Variants in CACNB2 observed in about 807,000 individuals in gnomAD.
CACNB2 encodes calcium voltage-gated channel auxiliary subunit beta 2, also known as voltage-dependent L-type calcium channel subunit beta-2.
In CACNB2, 42 loss-of-function variants were observed where a neutral mutation model predicts 73.3. That is an observed-to-expected ratio of 0.57 (90% confidence interval 0.45 to 0.74). The LOEUF (loss-of-function observed/expected upper bound fraction) is 0.74, where lower values mean the gene tolerates loss of function less well. Ranked by LOEUF, CACNB2 falls within the 30% of genes least tolerant of loss-of-function variation. The pLI, the probability that CACNB2 is intolerant of heterozygous loss-of-function variation, is 0.00. For missense variants in CACNB2, 940 were observed against 853.0 expected (o/e 1.10, Z -1.27); for synonymous variants, 348 against 310.3 (o/e 1.12, Z -1.28).
At chr10:18,200,973 G>T (rs2034852141) in intron 2 of CACNB2, among the ~76,000 whole-genome samples, 1 of 152,138 alleles carries the variant, frequency 6.6e-6, no homozygotes, top group South Asian at 2.1e-4. Context: ...CCAACTCTGT[G>T]CAGTAAGAAT....
intron 7 of CACNB2, among the ~76,000 whole-genome samples, chr10:18,518,092 G>A (rs1390324307): frequency 1.3e-5 from 2 of 152,124 alleles, no homozygotes; most frequent in South Asian, 4.1e-4. Flanking sequence ...CTTTAGGAAC[G>A]AATAGGTCTG....
intron 10 of CACNB2, 79 bp downstream of exon 10, chr10:18,527,776 A>C: frequency 1.1e-6 from 1 of 909,202 alleles, no homozygotes; most frequent in Non-Finnish European, 1.8e-6. Context: ...ACAAGATGAT[A>C]ATTCCATGTG....
intron 3 of CACNB2, among the ~76,000 whole-genome samples, chr10:18,474,173 T>C (rs2048325991): frequency 6.6e-6 from 1 of 152,172 alleles, no homozygotes; most frequent in South Asian, 2.1e-4. Flanking sequence ...AGGGGAACAT[T>C]GCAAATCTGA....
chr10:18,270,202 G>A (rs190521295), intron 2 of CACNB2, among the ~76,000 whole-genome samples: 1 of 152,236 alleles, frequency 6.6e-6, no homozygotes. Flanking sequence ...AGCAAAGGGG[G>A]AAGAACCCCT....
intron 2 of CACNB2, among the ~76,000 whole-genome samples, chr10:18,220,876 C>T (rs2035766427): frequency 1.3e-5 from 2 of 152,276 alleles, no homozygotes; most frequent in Non-Finnish European, 2.9e-5. Context: ...CCCCCTAGTC[C>T]GTGGGAAACT....
rs117419952 is a variant in CACNB2 at position 18,196,166 on chromosome 10, G to A, written c.213+45191G>A. On this transcript the variant is annotated intron_variant, in intron 2 of 13. Transcript: ENST00000324631. ...TTTACAGATGTGACACAGAGATTAA[G>A]TAAATTGCTTATAATTACATGGCTT... 6.9e-3 allele frequency among the ~76,000 whole-genome samples: 1,051 copies of A among 151,992 alleles called. 8 individuals are homozygous for A. Among genetic ancestry groups the A allele is most frequent in the Middle Eastern group, 0.037 (11 of 294 alleles).
intron 5 of CACNB2, among the ~76,000 whole-genome samples, chr10:18,502,714 AAAAAAAAAAAC>A (rs2050272701): frequency 1.6e-5 from 1 of 61,156 alleles, no homozygotes; most frequent in Non-Finnish European, 3.6e-5. Flanking sequence ...AAAAAAAAAA[AAAAAAAAAAAC>A]CGCATGTTTT....
intron 2 of CACNB2, among the ~76,000 whole-genome samples, chr10:18,156,622 C>T (rs1337728258): frequency 6.6e-6 from 1 of 152,106 alleles, no homozygotes; most frequent in Non-Finnish European, 1.5e-5. Flanking sequence ...TGGTTCTATT[C>T]CATATAAACT....
intron 2 of CACNB2, among the ~76,000 whole-genome samples, chr10:18,243,707 C>G (rs1376560744): frequency 3.3e-5 from 5 of 152,264 alleles, no homozygotes; most frequent in Admixed American, 1.3e-4. Flanking sequence ...CAATTTCTCT[C>G]TCTTGCTTTT....
rs567259204 is a variant in CACNB2, at chr10:18,198,149, TCA to T, written c.213+47179_213+47180del. The stretch of plus-strand genomic sequence containing the variant: ...GTAATATATTAATATATATTACATA[TCA>T]CACATATTACATGTATGTAATATAT... On this transcript the variant is annotated intron_variant, in intron 2 of 13. Transcript: ENST00000324631. Among the ~76,000 whole-genome samples, 28 of 148,290 alleles carry T rather than the reference TCA, an allele frequency of 1.9e-4. No homozygotes were observed. The South Asian group carries it at 2.3e-3, about 12-fold the overall frequency.
intron 2 of CACNB2, among the ~76,000 whole-genome samples, chr10:18,293,577 C>G (rs549262433): frequency 1.3e-5 from 2 of 152,238 alleles, no homozygotes. Context: ...GGGTTTACTT[C>G]ATACTCAATT....
At chr10:18,537,030 G>A (rs961316449) in intron 12 of CACNB2, among the ~76,000 whole-genome samples, 6 of 152,106 alleles carry the variant, frequency 3.9e-5, no homozygotes, top group African/African-American at 1.4e-4. Context: ...TGTTGCCCAG[G>A]CAGGAGTGCA....
chr10:18,434,310 A>G (rs2046029461), intron 3 of CACNB2, among the ~76,000 whole-genome samples: 2 of 152,186 alleles, frequency 1.3e-5, no homozygotes, highest in Non-Finnish European at 2.9e-5. Context: ...GGATAAAGTG[A>G]TTTAACATAG....
chr10:18,391,364 C>T (rs1358527487), intron 2 of CACNB2, among the ~76,000 whole-genome samples: 1 of 152,086 alleles, frequency 6.6e-6, no homozygotes, highest in Admixed American at 6.6e-5. Context: ...TTTAGGAATG[C>T]GAAAATGGAT....
chr10:18,286,606 A>G (rs1273674066), intron 2 of CACNB2, among the ~76,000 whole-genome samples: 1 of 151,262 alleles, frequency 6.6e-6, no homozygotes, highest in Non-Finnish European at 1.5e-5. Flanking sequence ...TCCGTCATCA[A>G]TCTTAATGTT....
intron 2 of CACNB2, among the ~76,000 whole-genome samples, chr10:18,302,269 G>A (rs916394182): frequency 6.6e-6 from 1 of 152,050 alleles, no homozygotes; most frequent in Non-Finnish European, 1.5e-5. Flanking sequence ...GGGGTCAGGG[G>A]TGGGTCGGGG....
chr10:18,225,524 TTTC>T (rs2035954573), intron 2 of CACNB2, among the ~76,000 whole-genome samples: 1 of 139,456 alleles, frequency 7.2e-6, no homozygotes, highest in African/African-American at 3.4e-5. Flanking sequence ...CTCTCTCTCT[TTTC>T]TTTTCTTTTT....
chr10:18,431,339 C>T (rs961563884), intron 3 of CACNB2, among the ~76,000 whole-genome samples: 1 of 152,178 alleles, frequency 6.6e-6, no homozygotes, highest in Non-Finnish European at 1.5e-5. Context: ...TTAACTTCTT[C>T]ATCCATTCAC....
intron 1 of CACNB2, among the ~76,000 whole-genome samples, chr10:18,145,455 T>A (rs1174031719): frequency 6.6e-6 from 1 of 152,110 alleles, no homozygotes; most frequent in Non-Finnish European, 1.5e-5. Context: ...TTTACAGACA[T>A]GCCAATCAGA....
Sources: allele counts gnomAD v4.1 joint callset (sites outside exome capture counted in the v4.1 genomes callset), GRCh38; gene constraint gnomAD v4.1.1; transcripts MANE v1.5; gene names NCBI Gene and HGNC (gene_info 2026-07-23, HGNC 2026-07-21).